The following MED25 variants were observed in gnomAD, a reference collection of about 807,000 sequenced individuals.
MED25 encodes the protein mediator of RNA polymerase II transcription subunit 25.
In MED25, 62 loss-of-function variants were observed where a neutral mutation model predicts 89.4. The ratio of observed to expected loss-of-function variants is 0.69; its 90% confidence interval spans 0.57 to 0.86. The LOEUF is 0.86. Among genes scored for constraint, MED25 ranks in the 40% least tolerant of loss-of-function variants. MED25 has a pLI of 0.00. For synonymous variants in MED25, 449 were observed against 427.9 expected (o/e 1.05, Z -0.61); for missense variants, 905 against 1,005.2 (o/e 0.90, Z 1.35).
Position 49,836,076 on chromosome 19 carries a change from G to C in MED25, c.1965+131G>C, listed in dbSNP as rs533786867. The C allele has an allele frequency of 2.0e-6, 3 of 1,534,768 alleles. No individual in the cohort carries two copies. In the South Asian group the frequency reaches 3.6e-5, roughly 18 times the overall value. On this transcript the variant is annotated intron_variant, in intron 16 of 17. Coordinates refer to ENST00000312865, the MANE Select transcript of MED25 (RefSeq NM_030973.4). This position sits in a 1 kb window ranked among gnomAD's most constrained non-coding sequence, Gnocchi z 5.1. Reference sequence around the variant, plus strand: ...GGGGACCCGCCCAGGGCTTTAGGCAGAAGGCAGACCGCCTCCTCTCCGTCC... The same window carrying C: ...GGGGACCCGCCCAGGGCTTTAGGCACAAGGCAGACCGCCTCCTCTCCGTCC...
At position 49,828,571 on chromosome 19, in the gene MED25, CG is replaced by C. The variant is rs559358176; in HGVS notation, c.404+27del. Reference sequence around the variant, plus strand: ...ATGTGAGTGCCCCCTCCACCCAGGCCGGGCCGGTCTCTCTCTGCCTGGCCTG... The same window carrying C: ...ATGTGAGTGCCCCCTCCACCCAGGCCGGCCGGTCTCTCTCTGCCTGGCCTG... On this transcript the variant is annotated intron_variant, in intron 4 of 17. Transcript: ENST00000312865. The C allele has an allele frequency of 2.5e-4, 389 of 1,579,708 alleles. 2 individuals carry two copies. The East Asian group carries it at 7.8e-3, about 32-fold the overall frequency.
intron 13 of MED25, among the ~76,000 whole-genome samples, 178 bp downstream of exon 13, chr19:49,832,593 G>A (rs996741003): frequency 6.6e-5 from 10 of 152,056 alleles, no homozygotes; most frequent in Non-Finnish European, 1.3e-4. Context: ...TATAATCATC[G>A]TATGCACCAG....
chr19:49,819,317 GGTGGGTTGCTGGTCCCT>G (rs1271847583), intron 3 of MED25, 21 bp downstream of exon 3: 8 of 1,309,380 alleles, frequency 6.1e-6, no homozygotes, highest in African/African-American at 2.6e-5. Context: ...CCCCACTTGG[GGTGGGTTGCTGGTCCCT>G]GTGAGGGGCC....
intron 2 of MED25, 48 bp from the exon 3 acceptor site, chr19:49,819,124 A>G: frequency 6.2e-7 from 1 of 1,612,374 alleles, no homozygotes. Flanking sequence ...TCTAAGGGAA[A>G]AGGGAATTGA....
intron 13 of MED25, chr19:49,833,646 T>C (rs905998727): frequency 5.9e-5 from 9 of 152,268 alleles, no homozygotes; most frequent in Non-Finnish European, 1.0e-4. Flanking sequence ...TGTTCTCTTA[T>C]GATTCTGTGG....
Position 49,830,959 on chromosome 19 carries a change from G to T in MED25, c.1101+72G>T. The T allele has an allele frequency of 1.3e-6, 2 of 1,488,632 alleles. No individual in the cohort carries two copies. The highest frequency in any genetic ancestry group is 1.8e-6 in the Non-Finnish European group (2 of 1,081,702). 92.2% of individuals were successfully genotyped at this position (1,488,632 alleles called of 1,614,324 possible). ...CACAGCTAGGACAGTTAGAGGATGA[G>T]TCATTTGCCTTCCAGGGGGATGTGG... On this transcript the variant is annotated intron_variant, in intron 9 of 17. Transcript: ENST00000312865. The surrounding 1 kb of genome is among the most constrained non-coding windows in gnomAD (Gnocchi z 4.6).
rs563939529 is a variant in MED25 at position 49,835,213 on chromosome 19, C to T, written c.1674+36C>T. ...ACAGTCCCCAAACCAGCACTCCGAC[C>T]CCCTCCTGCCCGGGCCCCACATGGC... On this transcript the variant is annotated intron_variant, in intron 14 of 17. Transcript: ENST00000312865. This position sits in a 1 kb window ranked among gnomAD's most constrained non-coding sequence, Gnocchi z 6.2. The T allele has an allele frequency of 6.2e-7, 1 of 1,611,050 alleles. No individual in the cohort carries two copies. The highest frequency in any genetic ancestry group is 1.1e-5 in the South Asian group (1 of 91,030).
rs139795584 is a variant in MED25, at chr19:49,828,607, T to C, written c.404+60T>C. ...CTCTCTGCCTGGCCTGGAACCACTT[T>C]GCCTGTCGAGTGGTTCTACCTCCAG... On this transcript the variant is annotated intron_variant, in intron 4 of 17. Transcript: ENST00000312865. The C allele has an allele frequency of 6.2e-3, 8,532 of 1,371,180 alleles. 41 individuals are homozygous for C. Among genetic ancestry groups the C allele is most frequent in the Non-Finnish European group, 8.0e-3 (7,653 of 958,738 alleles). The allele number at this position is 1,371,180 out of a possible 1,614,324, so 84.9% of individuals were successfully genotyped here.
At position 49,835,477 on chromosome 19, in the gene MED25, T is replaced by C; in HGVS notation, c.1675-57T>C. 6.8e-7 allele frequency: 1 copy of C among 1,479,334 alleles called. No individual in the cohort carries two copies. The highest frequency in any genetic ancestry group is 9.1e-7 in the Non-Finnish European group (1 of 1,104,432). The allele number at this position is 1,479,334 out of a possible 1,614,324, so 91.6% of individuals were successfully genotyped here. A position where few individuals can be genotyped will look rare whatever the true frequency, so the allele number is the denominator to read the frequency against. On this transcript the variant is annotated intron_variant, in intron 14 of 17. Transcript: ENST00000312865. This position sits in a 1 kb window ranked among gnomAD's most constrained non-coding sequence, Gnocchi z 6.2. The stretch of plus-strand genomic sequence containing the variant: ...CCCTCAGGGCACAGGCCCTCCCGCC[T>C]CAGATTCAGGATGCCACCACCCTCA...
In MED25 at chr19:49,829,990, G is replaced by A; in HGVS notation, c.688+42G>A. 1 of 1,599,922 alleles carries A rather than the reference G, an allele frequency of 6.3e-7. No individual in the cohort carries two copies. The highest frequency in any genetic ancestry group is 8.5e-7 in the Non-Finnish European group (1 of 1,171,116). On this transcript the variant is annotated intron_variant, in intron 6 of 17. Coordinates refer to ENST00000312865, the MANE Select transcript of MED25 (RefSeq NM_030973.4). The surrounding 1 kb of genome is among the most constrained non-coding windows in gnomAD (Gnocchi z 4.6). Reference sequence around the variant, plus strand: ...GTGCGCGGGGATGGGGGCTCGACGTGTTTCCCCAGCTCCCTCTGACTTGGA... The same window carrying A: ...GTGCGCGGGGATGGGGGCTCGACGTATTTCCCCAGCTCCCTCTGACTTGGA...
downstream of MED25, chr19:49,840,336 TATGTTCC>T (rs1329839744): frequency 1.3e-5 from 2 of 152,260 alleles, no homozygotes; most frequent in Non-Finnish European, 2.9e-5. Flanking sequence ...ATGTTTGTAT[TATGTTCC>T]ATGCATTCAC....
At position 49,831,544 on chromosome 19, in the gene MED25, G is replaced by A. The variant is rs778343829; in HGVS notation, c.1230+83G>A. ...ATGTAGGACTCATGGGGCCAGATGC[G>A]TGGGGTCTGCAGTGCTGGGTTTGGA... On this transcript the variant is annotated intron_variant, in intron 10 of 17. Transcript: ENST00000312865. This position sits in a 1 kb window ranked among gnomAD's most constrained non-coding sequence, Gnocchi z 5.0. 76 of 1,510,380 alleles carry A rather than the reference G, an allele frequency of 5.0e-5. 1 individual carries two copies. The highest frequency in any genetic ancestry group is 6.1e-5 in the South Asian group (5 of 81,666). 93.6% of individuals were successfully genotyped at this position (1,510,380 alleles called of 1,614,324 possible).
At position 49,831,582 on chromosome 19, in the gene MED25, G is replaced by A. The variant is rs1051135165; in HGVS notation, c.1230+121G>A. On this transcript the variant is annotated intron_variant, in intron 10 of 17. Coordinates refer to ENST00000312865, the MANE Select transcript of MED25 (RefSeq NM_030973.4). This position sits in a 1 kb window ranked among gnomAD's most constrained non-coding sequence, Gnocchi z 5.0. ...TGCTGGGTTTGGAGGCATTCGTTGCGCTGGACCTGTGGGATGCGGGGCGAG... is the reference window on the plus strand; with the variant it reads ...TGCTGGGTTTGGAGGCATTCGTTGCACTGGACCTGTGGGATGCGGGGCGAG... The A allele has an allele frequency of 1.5e-5, 19 of 1,297,006 alleles. No individual in the cohort carries two copies. The Admixed American group carries it at 2.2e-4, about 15-fold the overall frequency. 80.3% of individuals were successfully genotyped at this position (1,297,006 alleles called of 1,614,324 possible).
Position 49,819,260 on chromosome 19 carries a change from G to T in MED25, c.269G>T (p.Ser90Ile). ...GTACAATGTCACGCTCCCACCAGCA[G>T]CGCCTATGAGTTTGTCACCTGGCTC... ...SYVQCHAPTS[S>I]AYEFVTWLDG... is the part of the protein sequence containing the mutation. Residue 90 changes from serine to isoleucine, a missense_variant, in exon 3 of 18, where the codon AGC becomes ATC. Ser to Ile is a moderately radical substitution (Grantham distance 142, BLOSUM62 -2). This residue lies in a region of MED25 where 501 missense variants were observed against 526.9 expected (regional missense o/e 0.95). Coordinates refer to ENST00000312865, the MANE Select transcript of MED25 (RefSeq NM_030973.4). The T allele has an allele frequency of 1.9e-6, 3 of 1,614,236 alleles. No homozygotes were observed. Among genetic ancestry groups the T allele is most frequent in the Non-Finnish European group, 2.5e-6 (3 of 1,180,032 alleles).
Position 49,835,541 on chromosome 19 carries a change from G to C in MED25, c.1682G>C (p.Gly561Ala), listed in dbSNP as rs1474701596. Residue 561 changes from glycine (G) to alanine (A), a missense_variant, in exon 15 of 18, where the codon GGA becomes GCA. Physicochemically the swap from Gly to Ala is moderately conservative, Grantham distance 60. Transcript: ENST00000312865. The surrounding 1 kb of genome is among the most constrained non-coding windows in gnomAD (Gnocchi z 6.2). ...CCCTCTCTCCCCGTGCAGATGGGGG[G>C]ACAGCAGGCACCCCCAGGGCTGGGG... ...KLEQQQRGMG[G>A]QQAPPGLGPI... The C allele has an allele frequency of 6.4e-7, 1 of 1,560,292 alleles. No homozygotes were observed.
At position 49,835,957 on chromosome 19, in the gene MED25, G is replaced by A. The variant is rs770612299; in HGVS notation, c.1965+12G>A. On this transcript the variant is annotated intron_variant, in intron 16 of 17. Coordinates refer to ENST00000312865, the MANE Select transcript of MED25 (RefSeq NM_030973.4). The surrounding 1 kb of genome is among the most constrained non-coding windows in gnomAD (Gnocchi z 6.2). The stretch of plus-strand genomic sequence containing the variant: ...TCAACCCACCACCGGTGAGATGTTG[G>A]GGTGGGGTAGCGAGAGTTCCAGATC... 13 of 1,612,732 alleles carry A rather than the reference G, an allele frequency of 8.1e-6. No homozygotes were observed. Among genetic ancestry groups the A allele is most frequent in the Non-Finnish European group, 1.1e-5 (13 of 1,179,952 alleles).
At chr19:49,818,655 C>G (rs1427745215) in intron 2 of MED25, 39 bp downstream of exon 2, 3 of 1,588,200 alleles carry the variant, frequency 1.9e-6, no homozygotes, top group Non-Finnish European at 1.7e-6. Context: ...GAGGAGGGGC[C>G]GGGGGCCTGG....
chr19:49,827,193 G>A (rs930711972), intron 3 of MED25, among the ~76,000 whole-genome samples: 5 of 152,312 alleles, frequency 3.3e-5, no homozygotes, highest in African/African-American at 1.2e-4. Flanking sequence ...TCACGACCAC[G>A]TGACCGGAAT....
rs1009510786 is a variant in MED25 at position 49,834,994 on chromosome 19, C to T, written c.1491C>T (p.Cys497=). The T allele has an allele frequency of 8.1e-6, 13 of 1,613,938 alleles. No homozygotes were observed. Among genetic ancestry groups the T allele is most frequent in the South Asian group, 5.5e-5 (5 of 91,088 alleles). ...YRIMGNGFAG[C]VHFPHTAPCE... The stretch of plus-strand genomic sequence containing the variant: ...AGCTGTTGTCCACCCAGGCGGGCTG[C>T]GTGCACTTCCCCCACACGGCGCCCT... The change falls in exon 14 of 18, where the codon TGC becomes TGT. Residue 497 remains cysteine, a synonymous_variant. Coordinates refer to ENST00000312865, the MANE Select transcript of MED25 (RefSeq NM_030973.4). The surrounding 1 kb of genome is among the most constrained non-coding windows in gnomAD (Gnocchi z 4.1).
Sources: gnomAD v4.1 joint callset for allele counts (sites outside exome capture counted in the v4.1 genomes callset) on GRCh38, gnomAD v4.1.1 for gene constraint, gnomAD v4.1.1 regional missense constraint, Gnocchi (gnomAD v3.1) non-coding constraint, MANE v1.5 for transcripts, NCBI Gene and HGNC (gene_info 2026-07-23, HGNC 2026-07-21) for gene names.